Variants in PEX5L observed in about 807,000 individuals in gnomAD.
The protein encoded by PEX5L is PEX5-related protein.
Under a neutral mutation model 84.0 loss-of-function variants are expected in PEX5L, and 30 were observed. That is an observed-to-expected ratio of 0.36 (90% confidence interval 0.27 to 0.48). PEX5L has a LOEUF of 0.48. Among genes scored for constraint, PEX5L ranks in the 20% least tolerant of loss-of-function variants. PEX5L has a pLI of 0.99. For missense variants in PEX5L, 533 were observed against 754.6 expected (o/e 0.71, Z 3.44); for synonymous variants, 270 against 283.1 (o/e 0.95, Z 0.46).
At chr3:179,868,881 T>TG (rs1054254420) in intron 7 of PEX5L, among the ~76,000 whole-genome samples, 15 of 151,482 alleles carry the variant, frequency 9.9e-5, no homozygotes, top group African/African-American at 3.4e-4. Context: ...TGTACCTCAC[T>TG]GGGGGGTTGG....
rs1721837001 is a variant in PEX5L at position 179,807,564 on chromosome 3, G to A, written c.1676+110C>T. On this transcript the variant is annotated intron_variant, in intron 14 of 14. Transcript: ENST00000467460. ...TCCACATTCACCCTTAACGGCAGGAGGAGGAATACTCCTACCAAGGCAGGC... is the reference window on the plus strand; with the variant it reads ...TCCACATTCACCCTTAACGGCAGGAAGAGGAATACTCCTACCAAGGCAGGC... 5 of 985,762 alleles carry A rather than the reference G, an allele frequency of 5.1e-6. No individual in the cohort carries two copies. In the South Asian group the frequency reaches 6.4e-5, roughly 13 times the overall value. 61.1% of individuals were successfully genotyped at this position (985,762 alleles called of 1,614,324 possible).
chr3:179,856,380 G>A (rs994007990), intron 8 of PEX5L, among the ~76,000 whole-genome samples: 1 of 17,592 alleles, frequency 5.7e-5, no homozygotes, highest in East Asian at 0.038. Context: ...ATAAGGATAT[G>A]ATATAATTTT....
At chr3:179,957,336 A>C (rs1001635653) in intron 2 of PEX5L, among the ~76,000 whole-genome samples, 1 of 152,154 alleles carries the variant, frequency 6.6e-6, no homozygotes, top group African/African-American at 2.4e-5. Flanking sequence ...CCAGTAGTCT[A>C]GCATTAACAG....
intron 2 of PEX5L, among the ~76,000 whole-genome samples, chr3:179,942,075 T>A (rs564351187): frequency 1.3e-5 from 2 of 149,362 alleles, no homozygotes; most frequent in South Asian, 4.3e-4. Flanking sequence ...AAAGAAAAGG[T>A]TGATTGGAGG....
intron 2 of PEX5L, among the ~76,000 whole-genome samples, chr3:179,949,232 T>C (rs1254842862): frequency 6.6e-6 from 1 of 152,096 alleles, no homozygotes; most frequent in African/African-American, 2.4e-5. Context: ...AAAAAATAAG[T>C]AGTTTTAAAA....
intron 2 of PEX5L, among the ~76,000 whole-genome samples, chr3:179,963,162 A>T (rs1028330258): frequency 6.6e-6 from 1 of 152,130 alleles, no homozygotes; most frequent in Non-Finnish European, 1.5e-5. Flanking sequence ...TACTGCTTGG[A>T]AAACTGGGGA....
intron 10 of PEX5L, among the ~76,000 whole-genome samples, chr3:179,815,406 G>A (rs1310051208): frequency 6.6e-6 from 1 of 152,216 alleles, no homozygotes; most frequent in Admixed American, 6.5e-5. Flanking sequence ...CCAACATGGT[G>A]AAACTCTGTC....
Position 179,971,678 on chromosome 3 carries a change from T to A in PEX5L, c.22-13A>T. 2.5e-6 allele frequency: 4 copies of A among 1,586,876 alleles called. No homozygotes were observed. Among genetic ancestry groups the A allele is most frequent in the Non-Finnish European group, 8.6e-7 (1 of 1,164,540 alleles). On this transcript the variant is annotated splice_polypyrimidine_tract_variant and intron_variant, in intron 1 of 14. Coordinates refer to ENST00000467460, the MANE Select transcript of PEX5L (RefSeq NM_016559.3). ...GTTCTTTACTTTTCTTGTGAAAGAA[T>A]AATTTTAAATGATCATTTAGTTTCT... is the stretch of plus-strand genomic sequence containing the variant.
At chr3:179,874,983 G>T (rs888263276) in intron 6 of PEX5L, among the ~76,000 whole-genome samples, 5 of 151,426 alleles carry the variant, frequency 3.3e-5, no homozygotes, top group African/African-American at 1.2e-4. Flanking sequence ...GATAGTGGAT[G>T]ATGGAGCAAA....
At chr3:179,864,091 C>T (rs994558758) in intron 7 of PEX5L, among the ~76,000 whole-genome samples, 11 of 152,098 alleles carry the variant, frequency 7.2e-5, no homozygotes, top group African/African-American at 2.4e-4. Flanking sequence ...TGTGGCCTCC[C>T]CAGCCACGTG....
At chr3:180,031,196 T>C (rs1486176188) in intron 1 of PEX5L, among the ~76,000 whole-genome samples, 3 of 152,202 alleles carry the variant, frequency 2.0e-5, no homozygotes, top group Admixed American at 6.5e-5. Flanking sequence ...CCTTGAGCAA[T>C]TGTCTTGATA....
intron 14 of PEX5L, among the ~76,000 whole-genome samples, chr3:179,804,856 T>G (rs1017672671): frequency 2.0e-5 from 3 of 152,302 alleles, no homozygotes; most frequent in Non-Finnish European, 2.9e-5. Flanking sequence ...TAGTGGCTCA[T>G]GCCTGTAATC....
At chr3:179,914,464 CT>C (rs200876345) in intron 2 of PEX5L, among the ~76,000 whole-genome samples, 5 of 151,446 alleles carry the variant, frequency 3.3e-5, no homozygotes, top group Non-Finnish European at 5.9e-5. Flanking sequence ...ACAATCACCA[CT>C]TTTTTTTAAT....
chr3:179,934,490 A>T (rs553502590), intron 2 of PEX5L, among the ~76,000 whole-genome samples: 1 of 152,202 alleles, frequency 6.6e-6, no homozygotes, highest in African/African-American at 2.4e-5. Flanking sequence ...GGACACTGTG[A>T]ACCTTATTTT....
At chr3:180,027,407 T>C (rs1003810055) in intron 1 of PEX5L, among the ~76,000 whole-genome samples, 4 of 152,192 alleles carry the variant, frequency 2.6e-5, no homozygotes, top group African/African-American at 9.7e-5. Context: ...TGGACTCCCA[T>C]AAACCCTTTC....
chr3:179,895,076 T>C (rs186163386), intron 3 of PEX5L, among the ~76,000 whole-genome samples: 30 of 152,282 alleles, frequency 2.0e-4, no homozygotes, highest in Middle Eastern at 3.4e-3. Context: ...AACAGAATTA[T>C]GATGAGGGCC....
intron 8 of PEX5L, among the ~76,000 whole-genome samples, chr3:179,837,049 T>C (rs1413827190): frequency 1.3e-5 from 2 of 152,150 alleles, no homozygotes; most frequent in South Asian, 2.1e-4. Flanking sequence ...TATAATACAT[T>C]GTTGTTAGAT....
chr3:179,956,507 G>A (rs1225099675), intron 2 of PEX5L, among the ~76,000 whole-genome samples: 1 of 151,876 alleles, frequency 6.6e-6, no homozygotes, highest in Non-Finnish European at 1.5e-5. Context: ...GTATTTTTTG[G>A]GCATAAGAAT....
At chr3:179,993,276 G>A (rs1787554637) in intron 1 of PEX5L, among the ~76,000 whole-genome samples, 1 of 152,054 alleles carries the variant, frequency 6.6e-6, no homozygotes, top group Non-Finnish European at 1.5e-5. Flanking sequence ...TTGGCAAAAT[G>A]CCTACTCATA....
Sources: allele counts gnomAD v4.1 joint callset (sites outside exome capture counted in the v4.1 genomes callset), GRCh38; gene constraint gnomAD v4.1.1; transcripts MANE v1.5; gene names NCBI Gene and HGNC (gene_info 2026-07-23, HGNC 2026-07-21).